Variants in MACROD1 observed in about 807,000 individuals in gnomAD.
MACROD1 encodes the protein ADP-ribose glycohydrolase MACROD1.
MACROD1 carries 31 observed loss-of-function variants against 41.4 expected under a neutral mutation model. The observed-to-expected ratio is 0.75, with a 90% CI of 0.56 to 1.01. The LOEUF is 1.01. Ranked by LOEUF, MACROD1 falls within the 50% of genes least tolerant of loss-of-function variation. The pLI is 0.00. For missense variants in MACROD1, 473 were observed against 460.0 expected, an observed-to-expected ratio of 1.03 and a Z score of -0.26; for synonymous variants, 252 against 203.4, an observed-to-expected ratio of 1.24 and a Z score of -2.03.
rs781079934 is a variant in MACROD1, at chr11:64,068,555, TAC to T, written c.518-53276_518-53275del. ...GCACATATTTACTGCCGATTACTCT[TAC>T]AGAGCCCCGCATTCCCATTTGATTG... On this transcript the variant is annotated intron_variant, in intron 3 of 10. Transcript: ENST00000255681. Among the ~76,000 whole-genome samples the T allele has an allele frequency of 9.2e-5, 14 of 152,348 alleles. No individual in the cohort carries two copies. The South Asian group carries it at 1.2e-3, about 14-fold the overall frequency.
intron 4 of MACROD1, among the ~76,000 whole-genome samples, chr11:64,003,284 C>A (rs1461784738): frequency 2.6e-5 from 4 of 152,194 alleles, no homozygotes; most frequent in Non-Finnish European, 5.9e-5. Flanking sequence ...GTGGTGCAAT[C>A]TTGGCTCACT....
At position 64,165,929 on chromosome 11, in the gene MACROD1, G is replaced by A. The variant is rs1945837544; in HGVS notation, c.66C>T (p.Val22=). The change falls in exon 1 of 11, where the codon GTC becomes GTT. Residue 22 remains valine (V), a synonymous_variant. Coordinates refer to ENST00000255681, the MANE Select transcript of MACROD1 (RefSeq NM_014067.4). ...AQLRAAGQLL[V]PPRPRPGHLA... The stretch of plus-strand genomic sequence containing the variant: ...AGTGTCCGGGCCGGGGGCGCGGGGG[G>A]ACGAGCAGCTGCCCCGCCGCGCGCA... The A allele has an allele frequency of 7.5e-7, 1 of 1,325,254 alleles. No homozygotes were observed. The highest frequency in any genetic ancestry group is 9.6e-7 in the Non-Finnish European group (1 of 1,044,560). The allele number at this position is 1,325,254 out of a possible 1,614,324, so 82.1% of individuals were successfully genotyped here.
intron 4 of MACROD1, among the ~76,000 whole-genome samples, chr11:64,005,432 C>T (rs1354770901): frequency 1.3e-5 from 2 of 152,272 alleles, no homozygotes; most frequent in African/African-American, 4.8e-5. Context: ...CTTGCCTGGG[C>T]AGCTCTTGCC....
intron 3 of MACROD1, among the ~76,000 whole-genome samples, chr11:64,044,291 G>A (rs1943544245): frequency 7.0e-6 from 1 of 143,712 alleles, no homozygotes. Flanking sequence ...TTGCTCTGTC[G>A]CCCAGGCTGG....
intron 3 of MACROD1, among the ~76,000 whole-genome samples, chr11:64,114,432 AATGGATGG>A (rs141357642): frequency 1.9e-4 from 21 of 112,378 alleles, no homozygotes; most frequent in Non-Finnish European, 3.3e-4. Context: ...GGGATGGTTG[AATGGATGG>A]ATGGATGGAT....
chr11:64,034,589 G>A (rs1383908616), intron 3 of MACROD1, among the ~76,000 whole-genome samples: 1 of 152,174 alleles, frequency 6.6e-6, no homozygotes, highest in Non-Finnish European at 1.5e-5. Flanking sequence ...GTCTGTTCCC[G>A]GACTGGGCGC....
At chr11:64,092,969 C>T (rs1030887919) in intron 3 of MACROD1, among the ~76,000 whole-genome samples, 6 of 152,210 alleles carry the variant, frequency 3.9e-5, no homozygotes, top group East Asian at 3.8e-4. Context: ...AGAGGGAGTT[C>T]GGCTTGCAGC....
chr11:64,154,395 C>T (rs1945634188), intron 1 of MACROD1, among the ~76,000 whole-genome samples: 1 of 152,168 alleles, frequency 6.6e-6, no homozygotes, highest in African/African-American at 2.4e-5. Flanking sequence ...ACCAAGCCTT[C>T]CTCTCACCCT....
rs912820723 is a variant in MACROD1 at position 64,110,325 on chromosome 11, T to C, written c.517+40914A>G. On this transcript the variant is annotated intron_variant, in intron 3 of 10. Coordinates refer to ENST00000255681, the MANE Select transcript of MACROD1 (RefSeq NM_014067.4). The stretch of plus-strand genomic sequence containing the variant: ...ATTAGCTGGGTGTGGTGGTGCAGCA[T>C]GTGGTCCCAGCTCTGCAGGAGGCTG... Among the ~76,000 whole-genome samples the C allele has an allele frequency of 8.6e-5, 13 of 151,700 alleles. 1 individual carries two copies. The highest frequency in any genetic ancestry group is 7.9e-4 in the Admixed American group (12 of 15,214).
At chr11:64,046,849 C>A (rs7107297) in intron 3 of MACROD1, among the ~76,000 whole-genome samples, 2,794 of 152,246 alleles carry the variant, frequency 0.018, 103 homozygotes, top group African/African-American at 0.064. Flanking sequence ...GTGAAGTCTT[C>A]CCCATCCCTG....
intron 3 of MACROD1, among the ~76,000 whole-genome samples, chr11:64,123,315 G>C (rs1384505475): frequency 2.6e-5 from 4 of 152,212 alleles, no homozygotes; most frequent in Admixed American, 6.5e-5. Flanking sequence ...GCCGTGCATT[G>C]GCCTTCCGAG....
At chr11:64,149,801 C>T (rs1259957522) in intron 3 of MACROD1, among the ~76,000 whole-genome samples, 1 of 152,252 alleles carries the variant, frequency 6.6e-6, no homozygotes, top group African/African-American at 2.4e-5. Context: ...CTGCTCCAGG[C>T]CAGCCCCTCC....
chr11:64,056,682 G>C (rs1188421917), intron 3 of MACROD1, among the ~76,000 whole-genome samples: 2 of 152,214 alleles, frequency 1.3e-5, no homozygotes, highest in Admixed American at 1.3e-4. Flanking sequence ...ACCCGGGGCT[G>C]TGCCCACCAG....
chr11:64,063,681 G>A (rs893877038), intron 3 of MACROD1, among the ~76,000 whole-genome samples: 3 of 152,172 alleles, frequency 2.0e-5, no homozygotes, highest in African/African-American at 7.2e-5. Flanking sequence ...GCAGAAGCCT[G>A]GGGGTGTCAA....
At chr11:64,143,507 T>C (rs1442162729) in intron 3 of MACROD1, among the ~76,000 whole-genome samples, 2 of 151,988 alleles carry the variant, frequency 1.3e-5, no homozygotes, top group East Asian at 3.9e-4. Flanking sequence ...GGACACAGGA[T>C]ACCGGGCAGG....
chr11:64,063,539 G>T (rs566390432), intron 3 of MACROD1, among the ~76,000 whole-genome samples: 1 of 152,168 alleles, frequency 6.6e-6, no homozygotes, highest in Admixed American at 6.5e-5. Context: ...AAAAGTCTCC[G>T]TTACTGCCCA....
At chr11:64,132,824 C>T (rs1222853551) in intron 3 of MACROD1, among the ~76,000 whole-genome samples, 1 of 152,232 alleles carries the variant, frequency 6.6e-6, no homozygotes, top group East Asian at 1.9e-4. Context: ...AGGCATCTGT[C>T]ACCGAGCTTC....
intron 3 of MACROD1, among the ~76,000 whole-genome samples, chr11:64,054,925 C>T (rs541118978): frequency 6.6e-6 from 1 of 152,172 alleles, no homozygotes; most frequent in African/African-American, 2.4e-5. Flanking sequence ...CCCTCTTTCT[C>T]CCCTGCTCTT....
In MACROD1 at chr11:64,001,511, G is replaced by A. The variant is rs1482688476; in HGVS notation, c.548-1168C>T. The A allele has an allele frequency of 5.7e-6, 4 of 702,302 alleles. No homozygotes were observed. In the African/African-American group the frequency reaches 7.0e-5, roughly 12 times the overall value. The allele number at this position is 702,302 out of a possible 1,614,324, so 43.5% of individuals were successfully genotyped here. A position where few individuals can be genotyped will look rare whatever the true frequency, so the allele number is the denominator to read the frequency against. Reference sequence around the variant, plus strand: ...TCACCTCAGTCTCGGCACAGTTCCAGGGATGCCAGGTAGCTCACACCCCTT... The same window carrying A: ...TCACCTCAGTCTCGGCACAGTTCCAAGGATGCCAGGTAGCTCACACCCCTT... On this transcript the variant is annotated intron_variant, in intron 4 of 10. Coordinates refer to ENST00000255681, the MANE Select transcript of MACROD1 (RefSeq NM_014067.4).
Sources: gnomAD v4.1 joint callset for allele counts (sites outside exome capture counted in the v4.1 genomes callset) on GRCh38, gnomAD v4.1.1 for gene constraint, MANE v1.5 for transcripts, NCBI Gene and HGNC (gene_info 2026-07-23, HGNC 2026-07-21) for gene names.